Variants in KAZN observed in about 807,000 individuals in gnomAD.
The protein encoded by KAZN is kazrin, periplakin interacting protein, also known as kazrin.
In KAZN, 40 loss-of-function variants were observed where a neutral mutation model predicts 87.4. That is an observed-to-expected ratio of 0.46 (90% CI 0.36 to 0.60). The LOEUF (loss-of-function observed/expected upper bound fraction) is 0.60, where lower values mean the gene tolerates loss of function less well. KAZN is among the 20% of genes least tolerant of loss of function. The pLI, the probability that KAZN is intolerant of heterozygous loss-of-function variation, is 0.00. For missense variants in KAZN, 898 were observed against 1,073.9 expected (o/e 0.84, Z 2.29); for synonymous variants, 466 against 458.3 (o/e 1.02, Z -0.22).
rs370260538 is a variant in KAZN, at chr1:14,605,307, G to A, written c.226+6084G>A. 3.2e-4 allele frequency among the ~76,000 whole-genome samples: 49 copies of A among 152,184 alleles called. No homozygotes were observed. In the East Asian group the frequency reaches 5.0e-3, roughly 16 times the overall value. ...CAATATATCAACTTCCCTGGCAAGC[G>A]CTTAACATGCATTATTGAATCCTGA... is the stretch of plus-strand genomic sequence containing the variant. On this transcript the variant is annotated intron_variant, in intron 1 of 14. Coordinates refer to ENST00000376030, the MANE Select transcript of KAZN (RefSeq NM_201628.3).
rs540255064 is a variant in KAZN at position 14,792,931 on chromosome 1, G to A, written c.227-167753G>A. ...GTGGAGGTTGCGGTGAGCCAAGATC[G>A]TGCCATTGCACTCCAGCCTGGCAAC... On this transcript the variant is annotated intron_variant, in intron 1 of 14. Coordinates refer to ENST00000376030, the MANE Select transcript of KAZN (RefSeq NM_201628.3). 5.4e-5 allele frequency among the ~76,000 whole-genome samples: 8 copies of A among 149,428 alleles called. No homozygotes were observed. In the South Asian group the frequency reaches 8.4e-4, roughly 16 times the overall value.
chr1:14,719,796 G>A (rs576242007), intron 1 of KAZN, among the ~76,000 whole-genome samples: 2 of 152,224 alleles, frequency 1.3e-5, no homozygotes, highest in African/African-American at 2.4e-5. Flanking sequence ...CCAAGATCAC[G>A]CCATTGCACT....
intron 2 of KAZN, among the ~76,000 whole-genome samples, chr1:14,278,823 A>G (rs1417022746): frequency 6.7e-6 from 1 of 150,114 alleles, no homozygotes; most frequent in Non-Finnish European, 1.5e-5. Flanking sequence ...CACATTCTGG[A>G]TATTTTTTTA....
intron 2 of KAZN, among the ~76,000 whole-genome samples, chr1:14,235,414 A>C (rs1233449123): frequency 2.6e-5 from 4 of 152,208 alleles, no homozygotes; most frequent in Non-Finnish European, 5.9e-5. Context: ...AGGATAGATA[A>C]ATTCATAGTC....
intron 1 of KAZN, among the ~76,000 whole-genome samples, chr1:14,145,474 C>A (rs1458137094): frequency 2.0e-5 from 3 of 151,968 alleles, no homozygotes; most frequent in South Asian, 2.1e-4. Context: ...ACACCCACAC[C>A]CCCACACACA....
At chr1:14,909,433 T>C (rs2101368846) in intron 1 of KAZN, among the ~76,000 whole-genome samples, 1 of 152,320 alleles carries the variant, frequency 6.6e-6, no homozygotes, top group East Asian at 1.9e-4. Flanking sequence ...CAGGCCCCTC[T>C]GCCTCCCACC....
At chr1:14,673,091 A>G (rs916713070) in intron 1 of KAZN, among the ~76,000 whole-genome samples, 5 of 152,262 alleles carry the variant, frequency 3.3e-5, no homozygotes, top group Non-Finnish European at 5.9e-5. Flanking sequence ...AAAGAATGAC[A>G]GATGCCCATT....
chr1:14,008,906 C>T (rs1222018561), intron 1 of KAZN, among the ~76,000 whole-genome samples: 1 of 152,140 alleles, frequency 6.6e-6, no homozygotes, highest in African/African-American at 2.4e-5. Context: ...CATCCAGCTC[C>T]ATAGCTCTTT....
At chr1:15,064,674 G>A (rs537538755) in intron 7 of KAZN, among the ~76,000 whole-genome samples, 9 of 152,344 alleles carry the variant, frequency 5.9e-5, no homozygotes, top group African/African-American at 1.9e-4. Flanking sequence ...TGGCCATACT[G>A]TCTCCTGTCC....
At position 15,094,207 on chromosome 1, in the gene KAZN, G is replaced by A. The variant is rs773377392; in HGVS notation, c.1250G>A (p.Arg417Gln). 70 of 1,613,526 alleles carry A rather than the reference G, an allele frequency of 4.3e-5. No individual in the cohort carries two copies. The Middle Eastern group carries it at 5.0e-4, about 12-fold the overall frequency. The change falls in exon 9 of 15, where the codon CGG becomes CAG. Residue 417 changes from arginine to glutamine, a missense_variant. By Grantham distance (43) the Arg-to-Gln change is conservative. Around this residue, in one of 3 missense-constraint regions of KAZN, gnomAD observed 521 missense variants for 689.4 expected, o/e 0.76. Transcript: ENST00000376030. The surrounding 1 kb of genome is among the most constrained non-coding windows in gnomAD (Gnocchi z 4.5). ...DDSDSQCSPT[R>Q]QSLSLSEGEE... ...TCGGACAGCCAGTGCAGCCCCACGC[G>A]GCAGAGCCTCAGCCTGTCGGAAGGC...
intron 1 of KAZN, among the ~76,000 whole-genome samples, chr1:14,030,222 A>G (rs1286978694): frequency 2.0e-5 from 3 of 151,304 alleles, no homozygotes; most frequent in Admixed American, 1.3e-4. Flanking sequence ...TAGGTATTTT[A>G]TTCTCTTTGA....
intron 1 of KAZN, among the ~76,000 whole-genome samples, chr1:13,955,596 A>C (rs1407138173): frequency 6.6e-6 from 1 of 152,286 alleles, no homozygotes; most frequent in East Asian, 1.9e-4. Flanking sequence ...AACTCTTCAC[A>C]AAGATGTTCT....
At chr1:14,890,706 T>A (rs75365067) in intron 1 of KAZN, among the ~76,000 whole-genome samples, 11 of 152,232 alleles carry the variant, frequency 7.2e-5, no homozygotes, top group East Asian at 1.9e-4. Flanking sequence ...TATTTTTTTT[T>A]AATCTAGAGC....
chr1:14,222,665 T>C (rs973437587), intron 2 of KAZN, among the ~76,000 whole-genome samples: 34 of 152,156 alleles, frequency 2.2e-4, no homozygotes, highest in Admixed American at 2.2e-3. Context: ...AAAATATAAT[T>C]TGTGAAATAC....
chr1:14,190,897 C>T (rs191235691), intron 2 of KAZN, among the ~76,000 whole-genome samples: 198 of 152,212 alleles, frequency 1.3e-3, no homozygotes, highest in Non-Finnish European at 2.4e-3. Context: ...TGTTTTGTAA[C>T]GTAGCAAGAG....
chr1:14,011,375 C>T (rs1036826065), intron 1 of KAZN, among the ~76,000 whole-genome samples: 4 of 152,172 alleles, frequency 2.6e-5, no homozygotes, highest in East Asian at 1.9e-4. Context: ...GTTGCTTTCA[C>T]GTAGGATGTT....
intron 1 of KAZN, among the ~76,000 whole-genome samples, chr1:13,992,872 G>C (rs993740505): frequency 2.0e-5 from 3 of 152,116 alleles, no homozygotes; most frequent in Non-Finnish European, 4.4e-5. Context: ...TCCCCAGTTG[G>C]CTTTCAAAGG....
chr1:14,922,495 C>G (rs913349390), intron 1 of KAZN, among the ~76,000 whole-genome samples: 1 of 152,116 alleles, frequency 6.6e-6, no homozygotes, highest in East Asian at 1.9e-4. Context: ...CAGCTGGGAG[C>G]ACCCAGCACT....
At chr1:14,355,797 A>G (rs1414617072) in intron 2 of KAZN, among the ~76,000 whole-genome samples, 1 of 152,194 alleles carries the variant, frequency 6.6e-6, no homozygotes, top group Admixed American at 6.5e-5. Context: ...TCCATGGTGT[A>G]TATGTGCCAC....
Sources: gnomAD v4.1 joint callset for allele counts (sites outside exome capture counted in the v4.1 genomes callset) on GRCh38, gnomAD v4.1.1 for gene constraint, gnomAD v4.1.1 regional missense constraint, Gnocchi (gnomAD v3.1) non-coding constraint, MANE v1.5 for transcripts, NCBI Gene and HGNC (gene_info 2026-07-23, HGNC 2026-07-21) for gene names.